Variants in ARFGEF1 observed in about 807,000 individuals in gnomAD.
ARFGEF1 encodes the protein brefeldin A-inhibited guanine nucleotide-exchange protein 1.
A neutral mutation model predicts 231.0 loss-of-function variants in ARFGEF1; 42 were observed. The observed-to-expected ratio is 0.18, with a 90% CI of 0.14 to 0.24. The LOEUF is 0.24. Among genes scored for constraint, ARFGEF1 ranks in the 10% least tolerant of loss-of-function variants. ARFGEF1 has a pLI of 1.00. For synonymous variants in ARFGEF1, 710 were observed against 732.3 expected (o/e 0.97, Z 0.49); for missense variants, 1,345 against 2,192.0 (o/e 0.61, Z 7.72).
chr8:67,311,189 A>G, intron 1 of ARFGEF1, among the ~76,000 whole-genome samples: 1 of 139,848 alleles, frequency 7.2e-6, no homozygotes, highest in African/African-American at 2.7e-5. Flanking sequence ...CCCCACTGGG[A>G]AGTGAGGAGC....
chr8:67,233,002 A>G, intron 22 of ARFGEF1, 57 bp from the exon 23 acceptor site: 1 of 1,365,130 alleles, frequency 7.3e-7, no homozygotes, highest in Non-Finnish European at 1.0e-6. Context: ...AGAAGAATAC[A>G]CTTAACAAGT....
chr8:67,291,987 T>C lies in ARFGEF1; in HGVS notation c.776A>G (p.Gln259Arg). Reference sequence around the variant, plus strand: ...GAGGTCAAGGTCCCCTTCGTGTTCTTGGGATATATGATCAACAGTCTGAGG... The same window carrying C: ...GAGGTCAAGGTCCCCTTCGTGTTCTCGGGATATATGATCAACAGTCTGAGG... The part of the protein sequence containing the change: ...LPPQTVDHIS[Q>R]EHEGDLDLHT... Residue 259 changes from glutamine to arginine, a missense_variant, in exon 6 of 39, where the codon CAA becomes CGA. By Grantham distance (43) the Gln-to-Arg change is conservative (BLOSUM62 1). This residue lies in a region of ARFGEF1 where 398 missense variants were observed against 463.2 expected (regional missense o/e 0.86). Transcript: ENST00000262215. 1 of 1,614,032 alleles carries C rather than the reference T, an allele frequency of 6.2e-7. No individual in the cohort carries two copies. Among genetic ancestry groups the C allele is most frequent in the Non-Finnish European group, 8.5e-7 (1 of 1,179,916 alleles).
intron 38 of ARFGEF1, 59 bp from the exon 39 acceptor site, chr8:67,199,157 G>A (rs1838220922): frequency 6.4e-7 from 1 of 1,564,302 alleles, no homozygotes; most frequent in Non-Finnish European, 8.6e-7. Context: ...GCCTTAAACT[G>A]CCTAGAGTCA....
intron 29 of ARFGEF1, among the ~76,000 whole-genome samples, chr8:67,221,050 T>C (rs769959755): frequency 6.6e-6 from 1 of 152,158 alleles, no homozygotes; most frequent in Admixed American, 6.6e-5. Context: ...TCCAATTGTC[T>C]TGTGACATTG....
Position 67,302,466 on chromosome 8 carries a change from TCTGAGGGG to T in ARFGEF1, c.125-8_125-1del. ...TTTTTCAGTTTCCGCTTTTATTTCC[TCTGAGGGG>T]AAAAAAAAAGAAGCATACATTAGAA... On this transcript the variant is annotated splice_acceptor_variant and splice_polypyrimidine_tract_variant and intron_variant, in intron 1 of 38. Transcript: ENST00000262215. LOFTEE classifies it high-confidence loss of function. 1 of 1,564,348 alleles carries T rather than the reference TCTGAGGGG, an allele frequency of 6.4e-7. No homozygotes were observed. Among genetic ancestry groups the T allele is most frequent in the Admixed American group, 2.0e-5 (1 of 50,038 alleles).
At chr8:67,186,417 TTAAA>T (rs1834594637) in intron 5 of ARFGEF1, among the ~76,000 whole-genome samples, 1 of 78,474 alleles carries the variant, frequency 1.3e-5, no homozygotes, top group Non-Finnish European at 2.2e-5. Context: ...CTGTTTTAAA[TTAAA>T]AAAAAAAAAA....
intron 1 of ARFGEF1, among the ~76,000 whole-genome samples, chr8:67,321,264 AAAGAAAGTC>A (rs954370277): frequency 6.6e-6 from 1 of 152,156 alleles, no homozygotes; most frequent in African/African-American, 2.4e-5. Flanking sequence ...GTACAGTAAA[AAAGAAAGTC>A]AAATTTACTG....
At chr8:67,211,057 A>C (rs1193224887) in intron 34 of ARFGEF1, among the ~76,000 whole-genome samples, 2 of 146,118 alleles carry the variant, frequency 1.4e-5, no homozygotes, top group Non-Finnish European at 3.0e-5. Flanking sequence ...AAAAAAAAAA[A>C]CAAAAGTGGC....
intron 19 of ARFGEF1, among the ~76,000 whole-genome samples, chr8:67,244,868 C>G (rs1331658374): frequency 6.7e-6 from 1 of 150,286 alleles, no homozygotes; most frequent in Non-Finnish European, 1.5e-5. Flanking sequence ...GTATCCAGTA[C>G]AAGAAGGTTA....
intron 13 of ARFGEF1, 103 bp from the exon 14 acceptor site, chr8:67,266,310 T>C: frequency 2.5e-6 from 2 of 804,188 alleles, no homozygotes; most frequent in Non-Finnish European, 4.0e-6. Flanking sequence ...CAATGTTGCT[T>C]AGATATCTAT....
chr8:67,320,047 CCT>C (rs1426171107), intron 1 of ARFGEF1, among the ~76,000 whole-genome samples: 1 of 151,648 alleles, frequency 6.6e-6, no homozygotes, highest in African/African-American at 2.4e-5. Context: ...AGAGCGAAAC[CCT>C]GTCTCTACTA....
chr8:67,187,518 C>A (rs1453266377), intron 5 of ARFGEF1, among the ~76,000 whole-genome samples: 1 of 151,458 alleles, frequency 6.6e-6, no homozygotes, highest in Non-Finnish European at 1.5e-5. Context: ...CTTGTCTCTA[C>A]AAAAAAAATA....
intron 1 of ARFGEF1, among the ~76,000 whole-genome samples, chr8:67,339,285 C>T (rs1454552668): frequency 1.3e-5 from 2 of 152,184 alleles, no homozygotes; most frequent in Non-Finnish European, 2.9e-5. Flanking sequence ...ATATGCCTCC[C>T]TTCCCTTTAA....
chr8:67,317,144 G>A (rs73693195), intron 1 of ARFGEF1, among the ~76,000 whole-genome samples: 7,335 of 152,214 alleles, frequency 0.048, 528 homozygotes, highest in African/African-American at 0.16. Flanking sequence ...AAAGCTTTGC[G>A]TCTGAGGCCC....
intron 6 of ARFGEF1, among the ~76,000 whole-genome samples, chr8:67,290,328 C>T (rs1030710709): frequency 1.3e-5 from 2 of 152,144 alleles, no homozygotes; most frequent in East Asian, 1.9e-4. Context: ...GTACCTCACA[C>T]ACAGCAGATG....
At chr8:67,181,788 T>C (rs1484129530) in intron 5 of ARFGEF1, among the ~76,000 whole-genome samples, 2 of 152,196 alleles carry the variant, frequency 1.3e-5, no homozygotes, top group African/African-American at 2.4e-5. Flanking sequence ...AGAATTCATC[T>C]TGAAAATAGA....
intron 19 of ARFGEF1, among the ~76,000 whole-genome samples, chr8:67,240,989 T>C (rs1000151611): frequency 1.3e-5 from 2 of 152,154 alleles, no homozygotes; most frequent in Non-Finnish European, 2.9e-5. Flanking sequence ...AAATGTCTCA[T>C]GTGAAAGTAT....
intron 22 of ARFGEF1, among the ~76,000 whole-genome samples, chr8:67,235,803 T>TA (rs940126030): frequency 7.9e-5 from 12 of 151,590 alleles, no homozygotes; most frequent in Non-Finnish European, 1.5e-4. Flanking sequence ...ACCTTGTCTT[T>TA]AAAAAAATAG....
At chr8:67,257,706 TAA>T in intron 17 of ARFGEF1, 24 bp downstream of exon 17, 1 of 1,521,380 alleles carries the variant, frequency 6.6e-7, no homozygotes, top group Non-Finnish European at 9.0e-7. Context: ...CCGCTTATTG[TAA>T]AACTGACTTA....
Sources: gnomAD v4.1 joint callset for allele counts (sites outside exome capture counted in the v4.1 genomes callset) on GRCh38, gnomAD v4.1.1 for gene constraint, gnomAD v4.1.1 regional missense constraint, MANE v1.5 for transcripts, NCBI Gene and HGNC (gene_info 2026-07-23, HGNC 2026-07-21) for gene names.